The following RREB1 variants were observed in gnomAD, a reference collection of about 807,000 sequenced individuals.
RREB1 encodes the protein ras responsive element binding protein 1.
In RREB1, 27 loss-of-function variants were observed where a neutral mutation model predicts 117.8. The observed-to-expected ratio is 0.23, with a 90% CI of 0.17 to 0.32. RREB1 has a LOEUF of 0.32. Among genes scored for constraint, RREB1 ranks in the 10% least tolerant of loss-of-function variants. RREB1 has a pLI of 1.00. For missense variants in RREB1, 2,577 were observed against 2,378.2 expected (o/e 1.08, Z -1.74); for synonymous variants, 1,298 against 1,026.7 (o/e 1.26, Z -5.05).
intron 9 of RREB1, among the ~76,000 whole-genome samples, chr6:7,228,147 A>G (rs1256649440): frequency 6.6e-6 from 1 of 152,190 alleles, no homozygotes. Flanking sequence ...TTGTTGTTCA[A>G]GTGTACAAGG....
chr6:7,176,069 A>G (rs1764483865), intron 1 of RREB1, among the ~76,000 whole-genome samples: 1 of 152,150 alleles, frequency 6.6e-6, no homozygotes, highest in African/African-American at 2.4e-5. Context: ...GGCGCATGCC[A>G]CCACACCCAG....
rs1762660332 is a variant in RREB1 at position 7,142,599 on chromosome 6, T to C, written c.-284-34056T>C. Reference sequence around the variant, plus strand: ...TCTGAGACAGTTCGTGGGGTCAGGCTTGACCCCCAGCAGGCCCGCTTCATG... The same window carrying C: ...TCTGAGACAGTTCGTGGGGTCAGGCCTGACCCCCAGCAGGCCCGCTTCATG... On this transcript the variant is annotated intron_variant, in intron 1 of 12. Coordinates refer to ENST00000379938, the MANE Select transcript of RREB1 (RefSeq NM_001003699.4). 2.0e-5 allele frequency among the ~76,000 whole-genome samples: 3 copies of C among 152,250 alleles called. No homozygotes were observed. In the South Asian group the frequency reaches 6.2e-4, roughly 31 times the overall value.
At position 7,229,832 on chromosome 6, in the gene RREB1, C is replaced by T. The variant is rs746525082; in HGVS notation, c.1733C>T (p.Ser578Phe). 1.9e-6 allele frequency: 3 copies of T among 1,610,558 alleles called. No individual in the cohort carries two copies. The South Asian group carries it at 3.3e-5, about 18-fold the overall frequency. Residue 578 changes from serine to phenylalanine, a missense_variant, in exon 10 of 13, where the codon TCC becomes TTC. Transcript: ENST00000379938. The surrounding 1 kb of genome is among the most constrained non-coding windows in gnomAD (Gnocchi z 4.5). ...CAGCCCCACGCGGCCACGCGGCTCT[C>T]CCTGCAGCAGCCGCGGGCGGAGCTG... ...GTQPHAATRL[S>F]LQQPRAELPG...
rs749879954 is a variant in RREB1 at position 7,230,310 on chromosome 6, G to A, written c.2211G>A (p.Val737=). Residue 737 remains valine, a synonymous_variant, in exon 10 of 13, where the codon GTG becomes GTA. Transcript: ENST00000379938. ...ATATCGAGAAGAACATCGAGTATGT[G>A]AGTAGCAGCGCGGCCGAGCTGGTGG... is the stretch of plus-strand genomic sequence containing the variant. ...RKDIEKNIEY[V]SSSAAELVDA... 6.3e-7 allele frequency: 1 copy of A among 1,590,652 alleles called. No individual in the cohort carries two copies. The highest frequency in any genetic ancestry group is 1.7e-5 in the Admixed American group (1 of 59,232).
intron 1 of RREB1, among the ~76,000 whole-genome samples, chr6:7,109,919 C>T (rs1761052597): frequency 6.6e-6 from 1 of 152,034 alleles, no homozygotes; most frequent in Admixed American, 6.6e-5. Flanking sequence ...AAAACCTGTC[C>T]GGGGGTTTTC....
At chr6:7,118,410 C>T (rs539214260) in intron 1 of RREB1, among the ~76,000 whole-genome samples, 24 of 151,980 alleles carry the variant, frequency 1.6e-4, no homozygotes, top group Admixed American at 5.2e-4. Context: ...TGTGAGCCAC[C>T]GCTCCCGCCC....
At chr6:7,116,513 A>G (rs574712806) in intron 1 of RREB1, among the ~76,000 whole-genome samples, 59 of 152,284 alleles carry the variant, frequency 3.9e-4, no homozygotes, top group African/African-American at 1.4e-3. Flanking sequence ...TGCACCTAGA[A>G]CGATTGCATA....
At chr6:7,237,078 A>G (rs1187969975) in intron 10 of RREB1, among the ~76,000 whole-genome samples, 1 of 151,406 alleles carries the variant, frequency 6.6e-6, no homozygotes, top group Admixed American at 6.6e-5. Flanking sequence ...GCACATCACC[A>G]TGCCTGGCTA....
At chr6:7,169,318 C>T (rs930424861) in intron 1 of RREB1, among the ~76,000 whole-genome samples, 3 of 152,242 alleles carry the variant, frequency 2.0e-5, no homozygotes, top group African/African-American at 7.2e-5. Flanking sequence ...TGAGGGTGCC[C>T]TGTGGGCCCT....
rs865988660 is a variant in RREB1, at chr6:7,231,110, C to T, written c.3011C>T (p.Pro1004Leu). ...APAPAATPEP[P>L]AQPLQGPVQL... ...GCTCCGGCGGCCACCCCGGAACCCC[C>T]AGCACAGCCCCTGCAGGGCCCTGTT... The change falls in exon 10 of 13, where the codon CCA (proline) becomes CTA (leucine). Residue 1004 changes from proline (P) to leucine (L), a missense_variant. By Grantham distance (98) the Pro-to-Leu change is moderately conservative. Transcript: ENST00000379938. 3 of 1,612,826 alleles carry T rather than the reference C, an allele frequency of 1.9e-6. No individual in the cohort carries two copies. Among genetic ancestry groups the T allele is most frequent in the African/African-American group, 2.7e-5 (2 of 74,926 alleles).
intron 4 of RREB1, 76 bp downstream of exon 4, chr6:7,182,158 T>C (rs1764842488): frequency 1.5e-6 from 2 of 1,337,678 alleles, no homozygotes; most frequent in Non-Finnish European, 2.1e-6. Context: ...CCGAGTTTCC[T>C]ATGATAAAAC....
intron 6 of RREB1, among the ~76,000 whole-genome samples, chr6:7,208,180 CT>C (rs996285471): frequency 1.3e-5 from 2 of 152,200 alleles, no homozygotes; most frequent in Non-Finnish European, 2.9e-5. Context: ...GGAATACTCT[CT>C]TTCCCACCAC....
intron 6 of RREB1, 149 bp downstream of exon 6, chr6:7,189,471 A>C: frequency 1.3e-6 from 1 of 745,708 alleles, no homozygotes; most frequent in Non-Finnish European, 2.1e-6. Flanking sequence ...AGAGATGCAC[A>C]CTATCTCTGG....
intron 1 of RREB1, among the ~76,000 whole-genome samples, chr6:7,144,952 A>AT (rs1762791729): frequency 6.6e-6 from 1 of 152,200 alleles, no homozygotes; most frequent in African/African-American, 2.4e-5. Context: ...TTACATCTGC[A>AT]TTTTTTATAA....
chr6:7,155,017 A>G (rs1763296078), intron 1 of RREB1, among the ~76,000 whole-genome samples: 1 of 152,110 alleles, frequency 6.6e-6, no homozygotes, highest in Non-Finnish European at 1.5e-5. Flanking sequence ...CTGAACAATA[A>G]ATAGAACGGG....
At chr6:7,148,645 A>G (rs977734129) in intron 1 of RREB1, among the ~76,000 whole-genome samples, 2 of 152,092 alleles carry the variant, frequency 1.3e-5, no homozygotes, top group Non-Finnish European at 2.9e-5. Flanking sequence ...TTAATCATAC[A>G]TTGATTCACC....
intron 1 of RREB1, among the ~76,000 whole-genome samples, chr6:7,161,705 C>T (rs1763672593): frequency 6.6e-6 from 1 of 152,140 alleles, no homozygotes; most frequent in African/African-American, 2.4e-5. Flanking sequence ...GATAACCATC[C>T]ATGCTCTTTA....
intron 8 of RREB1, among the ~76,000 whole-genome samples, chr6:7,223,320 G>C (rs1053440159): frequency 3.3e-5 from 5 of 150,002 alleles, no homozygotes; most frequent in African/African-American, 1.2e-4. Context: ...CCAGCAGTTT[G>C]GGAGGCCGAG....
chr6:7,217,059 C>A (rs532812625), intron 8 of RREB1: 2 of 152,392 alleles, frequency 1.3e-5, no homozygotes, highest in East Asian at 1.9e-4. Flanking sequence ...TGGGGAGGGA[C>A]GGCTGCCTGG....
Sources: gnomAD v4.1 joint callset for allele counts (sites outside exome capture counted in the v4.1 genomes callset) on GRCh38, gnomAD v4.1.1 for gene constraint, Gnocchi (gnomAD v3.1) non-coding constraint, MANE v1.5 for transcripts, NCBI Gene and HGNC (gene_info 2026-07-23, HGNC 2026-07-21) for gene names.